ADGB: variants seen among roughly 807,000 people sequenced by gnomAD.
ADGB encodes the protein androglobin, also known as calpain-7-like protein.
A neutral mutation model predicts 210.5 loss-of-function variants in ADGB; 172 were observed. The ratio of observed to expected loss-of-function variants is 0.82; its 90% CI spans 0.72 to 0.93. ADGB has a LOEUF of 0.93. Among genes scored for constraint, ADGB ranks in the 40% least tolerant of loss-of-function variants. ADGB has a pLI of 0.00. For missense variants in ADGB, 2,025 were observed against 1,964.8 expected (o/e 1.03, Z -0.58); for synonymous variants, 658 against 662.7 (o/e 0.99, Z 0.11).
chr6:146,770,505 G>A, intron 29 of ADGB: 1 of 443,084 alleles, frequency 2.3e-6, no homozygotes, highest in South Asian at 1.6e-5. Flanking sequence ...ATTGGGCAGG[G>A]ATGTGTTCTT....
chr6:146,691,328 G>A, intron 11 of ADGB, 38 bp downstream of exon 11: 1 of 1,464,336 alleles, frequency 6.8e-7, no homozygotes, highest in Non-Finnish European at 9.0e-7. Flanking sequence ...TCTAATTAAT[G>A]TATGAAAGTC....
At chr6:146,671,867 A>G (rs1323328004) in intron 7 of ADGB, among the ~76,000 whole-genome samples, 1 of 152,158 alleles carries the variant, frequency 6.6e-6, no homozygotes, top group Admixed American at 6.6e-5. Flanking sequence ...AGGACCTTCT[A>G]CATAAGTGAT....
intron 10 of ADGB, among the ~76,000 whole-genome samples, chr6:146,687,741 T>G (rs1776252522): frequency 6.6e-6 from 1 of 152,032 alleles, no homozygotes. Context: ...CTGCACATTC[T>G]GTACCTGTAT....
At chr6:146,758,357 G>A (rs6900512) in intron 27 of ADGB, among the ~76,000 whole-genome samples, 81,526 of 151,822 alleles carry the variant, frequency 0.54, 23,376 homozygotes, top group African/African-American at 0.73. Flanking sequence ...CAGCTCTCCT[G>A]TGCTATTTAT....
At chr6:146,625,633 TC>T (rs1427012520) in intron 1 of ADGB, among the ~76,000 whole-genome samples, 1 of 151,996 alleles carries the variant, frequency 6.6e-6, no homozygotes, top group African/African-American at 2.4e-5. Context: ...AAAGTGTGGT[TC>T]CCCCTCTTTC....
chr6:146,694,640 T>C (rs1410592918), intron 12 of ADGB, among the ~76,000 whole-genome samples: 8 of 152,192 alleles, frequency 5.3e-5, no homozygotes, highest in Non-Finnish European at 1.2e-4. Context: ...GAATAATATA[T>C]AAAACTCCTA....
At chr6:146,705,789 G>A (rs1776561710) in intron 13 of ADGB, among the ~76,000 whole-genome samples, 1 of 152,080 alleles carries the variant, frequency 6.6e-6, no homozygotes, top group Non-Finnish European at 1.5e-5. Flanking sequence ...TGCTTGCCCT[G>A]TATAATTAGT....
chr6:146,688,463 A>T (rs1776261844), intron 10 of ADGB, among the ~76,000 whole-genome samples: 1 of 152,156 alleles, frequency 6.6e-6, no homozygotes, highest in South Asian at 2.1e-4. Context: ...AAGTTTGGAG[A>T]TGAAGAAGAT....
At position 146,715,435 on chromosome 6, in the gene ADGB, G is replaced by T. The variant is rs1776718225; in HGVS notation, c.1741+20G>T. ...GAAAAGGTAAATTAATAATTTTCCT[G>T]TGACTTTTTTCAATGTACATCAAGA... On this transcript the variant is annotated intron_variant, in intron 14 of 35. Transcript: ENST00000397944. The T allele has an allele frequency of 1.3e-6, 2 of 1,484,014 alleles. No homozygotes were observed. The highest frequency in any genetic ancestry group is 1.8e-6 in the Non-Finnish European group (2 of 1,112,258). 91.9% of individuals were successfully genotyped at this position (1,484,014 alleles called of 1,614,324 possible). A position where few individuals can be genotyped will look rare whatever the true frequency, so the allele number is the denominator to read the frequency against.
intron 1 of ADGB, among the ~76,000 whole-genome samples, chr6:146,631,661 G>T (rs1305939046): frequency 6.6e-6 from 1 of 152,004 alleles, no homozygotes; most frequent in African/African-American, 2.4e-5. Flanking sequence ...TGGAGGAAAT[G>T]AACAAAAAAT....
At chr6:146,736,737 G>C (rs1314000746) in intron 23 of ADGB, 146 bp downstream of exon 23, 5 of 490,652 alleles carry the variant, frequency 1.0e-5, no homozygotes, top group African/African-American at 2.0e-5. Context: ...TATTTTATCT[G>C]AAACATTTCT....
chr6:146,777,626 T>C (rs1297286017), intron 29 of ADGB, among the ~76,000 whole-genome samples: 2 of 152,200 alleles, frequency 1.3e-5, no homozygotes, highest in Non-Finnish European at 2.9e-5. Context: ...TGTTCTATGG[T>C]AAGCCCTTCA....
At chr6:146,769,935 C>T (rs1021767007) in intron 29 of ADGB, among the ~76,000 whole-genome samples, 4 of 152,140 alleles carry the variant, frequency 2.6e-5, no homozygotes, top group East Asian at 1.9e-4. Flanking sequence ...ACATACAACA[C>T]GCTTATGATA....
chr6:146,664,864 C>A (rs1474656957), intron 6 of ADGB, among the ~76,000 whole-genome samples: 1 of 152,006 alleles, frequency 6.6e-6, no homozygotes, highest in Non-Finnish European at 1.5e-5. Context: ...AGTATTCTTA[C>A]AAAATTGGTT....
chr6:146,726,111 TC>T lies in ADGB; in HGVS notation c.2270del (p.Pro757GlnfsTer2). ...GRHMLLFNAY[S>X]PVGHSIHICS... ...ACACATGCTACTCTTCAACGCATAC[TC>T]CCCAGTAGGACACTCCATACACATC... On this transcript the variant is annotated frameshift_variant, in exon 19 of 36. Transcript: ENST00000397944. LOFTEE classifies it high-confidence loss of function. 1.1e-5 allele frequency: 17 copies of T among 1,545,258 alleles called. No individual in the cohort carries two copies. The highest frequency in any genetic ancestry group is 1.5e-5 in the Non-Finnish European group (17 of 1,141,596).
Position 146,721,470 on chromosome 6 carries a change from G to T in ADGB, c.2060G>T (p.Cys687Phe), listed in dbSNP as rs1413173393. 6.4e-7 allele frequency: 1 copy of T among 1,551,054 alleles called. No individual in the cohort carries two copies. Among genetic ancestry groups the T allele is most frequent in the Non-Finnish European group, 8.7e-7 (1 of 1,146,452 alleles). Residue 687 changes from cysteine to phenylalanine, a missense_variant, in exon 17 of 36, where the codon TGC becomes TTC. By Grantham distance (205) the Cys-to-Phe change is radical. Transcript: ENST00000397944. ...DSLKPIELLV[C>F]FSALVRWGEY... ...CTAAAACCTATTGAACTACTGGTTT[G>T]CTTTTCTGCATTGGTACGCTGGGGG...
chr6:146,803,693 TGA>T, intron 35 of ADGB: 1 of 1,199,742 alleles, frequency 8.3e-7, no homozygotes, highest in Admixed American at 1.8e-5. Flanking sequence ...TTTAACATTG[TGA>T]GTTTCCGATG....
intron 1 of ADGB, among the ~76,000 whole-genome samples, chr6:146,599,554 C>T (rs1780522118): frequency 6.6e-6 from 1 of 152,210 alleles, no homozygotes; most frequent in Non-Finnish European, 1.5e-5. Context: ...TAGTTTGCAT[C>T]TGCCCAGTCC....
intron 5 of ADGB, among the ~76,000 whole-genome samples, chr6:146,660,406 T>C (rs1775838874): frequency 6.6e-6 from 1 of 152,192 alleles, no homozygotes; most frequent in African/African-American, 2.4e-5. Context: ...CCCCGTAATT[T>C]TACCATATTT....
Sources: allele counts gnomAD v4.1 joint callset (sites outside exome capture counted in the v4.1 genomes callset), GRCh38; gene constraint gnomAD v4.1.1; transcripts MANE v1.5; gene names NCBI Gene and HGNC (gene_info 2026-07-23, HGNC 2026-07-21).